Variants in ARHGEF3 observed in about 807,000 individuals in gnomAD.
ARHGEF3 encodes 59.8 kDA protein.
ARHGEF3 carries 28 observed loss-of-function variants against 63.2 expected under a neutral mutation model. The observed-to-expected ratio is 0.44, with a 90% CI of 0.33 to 0.61. The LOEUF (loss-of-function observed/expected upper bound fraction) is 0.61. Ranked by LOEUF, ARHGEF3 falls within the 20% of genes least tolerant of loss-of-function variation. The pLI is 0.03. For missense variants in ARHGEF3, 533 were observed against 659.3 expected, an observed-to-expected ratio of 0.81 and a Z score of 2.10; for synonymous variants, 266 against 254.2, an observed-to-expected ratio of 1.05 and a Z score of -0.44.
At chr3:56,918,373 A>G (rs1272776907) in intron 3 of ARHGEF3, among the ~76,000 whole-genome samples, 1 of 152,254 alleles carries the variant, frequency 6.6e-6, no homozygotes, top group Non-Finnish European at 1.5e-5. Context: ...GAGAGGAGGA[A>G]GGAAACATTC....
At chr3:56,765,757 T>G (rs1343325675) in intron 2 of ARHGEF3, among the ~76,000 whole-genome samples, 2 of 152,086 alleles carry the variant, frequency 1.3e-5, no homozygotes, top group Non-Finnish European at 2.9e-5. Flanking sequence ...ATTGCTAAAC[T>G]CTCTCTGTAG....
In ARHGEF3 at chr3:56,751,289, C is replaced by G; in HGVS notation, c.535+11G>C. On this transcript the variant is annotated intron_variant, in intron 5 of 9. Coordinates refer to ENST00000296315, the MANE Select transcript of ARHGEF3 (RefSeq NM_019555.3). ...TACAAGTCACGACTCATCCTGGGAA[C>G]AAAATTATACCTTCATGTAGAGGAA... 6.2e-7 allele frequency: 1 copy of G among 1,606,734 alleles called. No individual in the cohort carries two copies. The highest frequency in any genetic ancestry group is 1.3e-5 in the African/African-American group (1 of 74,846).
chr3:56,732,391 C>T lies in ARHGEF3; in HGVS notation c.1075G>A (p.Val359Met). The T allele has an allele frequency of 1.2e-6, 2 of 1,614,156 alleles. No homozygotes were observed. Among genetic ancestry groups the T allele is most frequent in the Non-Finnish European group, 1.7e-6 (2 of 1,180,036 alleles). The change falls in exon 9 of 10, where the codon GTG (valine) becomes ATG (methionine). Residue 359 changes from valine (V) to methionine (M), a missense_variant. Val to Met is a conservative substitution (Grantham distance 21). Around this residue, in one of 4 missense-constraint regions of ARHGEF3, gnomAD observed 151 missense variants for 190.7 expected, o/e 0.79. Transcript: ENST00000296315. ...LHVFLFQEVL[V>M]ITRAVTHNEQ... The stretch of plus-strand genomic sequence containing the variant: ...TTGTGGGTGACGGCTCGAGTGATCA[C>T]AAGCACTTCTTGGAACAGGAAAACA...
chr3:56,744,961 T>G (rs2034285593), intron 7 of ARHGEF3, among the ~76,000 whole-genome samples: 1 of 152,128 alleles, frequency 6.6e-6, no homozygotes, highest in African/African-American at 2.4e-5. Context: ...AAATTAAGAA[T>G]TTTACTAAGG....
At chr3:57,004,529 T>C (rs1179232863) in intron 2 of ARHGEF3, among the ~76,000 whole-genome samples, 1 of 152,198 alleles carries the variant, frequency 6.6e-6, no homozygotes, top group Admixed American at 6.5e-5. Context: ...ATTATTCTCA[T>C]GTAAGAGAGG....
intron 2 of ARHGEF3, among the ~76,000 whole-genome samples, chr3:56,979,652 C>A (rs755199837): frequency 6.6e-6 from 1 of 152,216 alleles, no homozygotes; most frequent in South Asian, 2.1e-4. Context: ...TATCCTAGAT[C>A]GCCTCTCAGC....
chr3:56,757,957 C>T (rs1227158202), intron 2 of ARHGEF3, among the ~76,000 whole-genome samples: 4 of 150,588 alleles, frequency 2.7e-5, no homozygotes, highest in South Asian at 4.2e-4. Context: ...CTCCTGACCT[C>T]GTGATCCGCC....
intron 3 of ARHGEF3, among the ~76,000 whole-genome samples, chr3:56,945,027 T>C (rs1699406557): frequency 6.6e-6 from 1 of 152,180 alleles, no homozygotes; most frequent in African/African-American, 2.4e-5. Context: ...TTTTGGAAGT[T>C]CTCCTATGGG....
At chr3:56,834,398 T>A (rs148635422) in intron 4 of ARHGEF3, among the ~76,000 whole-genome samples, 1 of 152,006 alleles carries the variant, frequency 6.6e-6, no homozygotes, top group Admixed American at 6.6e-5. Flanking sequence ...ATACTATATA[T>A]CTAATAACGG....
At chr3:57,032,360 T>A (rs912204656) in intron 2 of ARHGEF3, among the ~76,000 whole-genome samples, 1 of 152,204 alleles carries the variant, frequency 6.6e-6, no homozygotes, top group Non-Finnish European at 1.5e-5. Flanking sequence ...AGATTCTGAA[T>A]AACAACTGAG....
At chr3:56,780,052 C>CTTAT (rs2036494574) in intron 1 of ARHGEF3, among the ~76,000 whole-genome samples, 2 of 152,146 alleles carry the variant, frequency 1.3e-5, no homozygotes, top group Admixed American at 6.5e-5. Flanking sequence ...GTGAGCAAGC[C>CTTAT]AAGGTTTAAG....
chr3:57,013,920 G>C (rs868148525), intron 2 of ARHGEF3, among the ~76,000 whole-genome samples: 1 of 152,222 alleles, frequency 6.6e-6, no homozygotes, highest in South Asian at 2.1e-4. Context: ...GGAGCCAGCA[G>C]CGGCAACTCT....
chr3:56,817,557 C>T (rs1451258065), intron 4 of ARHGEF3, among the ~76,000 whole-genome samples: 4 of 152,162 alleles, frequency 2.6e-5, no homozygotes, highest in African/African-American at 7.2e-5. Flanking sequence ...GAAGTTCACA[C>T]CTGAGTGCTG....
chr3:57,007,804 G>C (rs572885639), intron 2 of ARHGEF3, among the ~76,000 whole-genome samples: 3 of 152,214 alleles, frequency 2.0e-5, no homozygotes, highest in African/African-American at 7.2e-5. Context: ...TACGAGCAGA[G>C]TGAGCAAGCA....
At chr3:56,789,846 C>T (rs1396170569) in intron 1 of ARHGEF3, among the ~76,000 whole-genome samples, 1 of 152,184 alleles carries the variant, frequency 6.6e-6, no homozygotes, top group Non-Finnish European at 1.5e-5. Flanking sequence ...CTGAGGCCTA[C>T]ACTTAGTTAC....
chr3:56,784,709 A>G (rs777970559), intron 1 of ARHGEF3, among the ~76,000 whole-genome samples: 1 of 152,342 alleles, frequency 6.6e-6, no homozygotes, highest in South Asian at 2.1e-4. Context: ...GAGCTTAGGA[A>G]TAATCTGAAT....
At chr3:56,984,724 C>T (rs1216673148) in intron 2 of ARHGEF3, among the ~76,000 whole-genome samples, 1 of 152,192 alleles carries the variant, frequency 6.6e-6, no homozygotes, top group East Asian at 1.9e-4. Context: ...AACATTACTC[C>T]CTAGAGTTTT....
chr3:56,864,553 T>C (rs2040180783), intron 4 of ARHGEF3, among the ~76,000 whole-genome samples: 1 of 152,246 alleles, frequency 6.6e-6, no homozygotes, highest in Admixed American at 6.5e-5. Context: ...ACGGTGATTA[T>C]TAACATCTGC....
chr3:56,957,828 A>G (rs1448411545), intron 3 of ARHGEF3, among the ~76,000 whole-genome samples: 1 of 152,178 alleles, frequency 6.6e-6, no homozygotes, highest in African/African-American at 2.4e-5. Flanking sequence ...AGTGAAAAAG[A>G]GCTCAGAGCA....
Sources: allele counts gnomAD v4.1 joint callset (sites outside exome capture counted in the v4.1 genomes callset), GRCh38; gene constraint gnomAD v4.1.1; regional missense constraint gnomAD v4.1.1; transcripts MANE v1.5; gene names NCBI Gene and HGNC (gene_info 2026-07-23, HGNC 2026-07-21).